SPATA3: variants seen among roughly 807,000 people sequenced by gnomAD.
SPATA3 encodes spermatogenesis associated 3, also known as spermatogenesis-associated protein 3.
In SPATA3, 6 loss-of-function variants were observed where a neutral mutation model predicts 5.7. The observed-to-expected ratio is 1.06, with a 90% CI of 0.58 to 2.09. SPATA3 has a LOEUF of 2.09. Ranked by LOEUF, SPATA3 falls within the 30% of genes most tolerant of loss-of-function variation. The pLI is 0.00. For synonymous variants in SPATA3, 44 were observed against 48.4 expected (o/e 0.91, Z 0.37); for missense variants, 155 against 130.4 (o/e 1.19, Z -0.92).
At chr2:231,000,445 G>T in exon 2 of SPATA3, 1 of 1,549,882 alleles carries the variant, frequency 6.5e-7, no homozygotes, top group Non-Finnish European at 8.7e-7. Flanking sequence ...GTCGTCTGGG[G>T]CTATGCCATA....
downstream of SPATA3, among the ~76,000 whole-genome samples, chr2:231,003,799 G>A (rs1006051598): frequency 1.3e-5 from 2 of 152,126 alleles, no homozygotes; most frequent in African/African-American, 4.8e-5. Context: ...CTTTGCAGTG[G>A]GCGTAATATA....
At position 231,002,683 on chromosome 2, in the gene SPATA3, G is replaced by A. The variant is rs1284396203; in HGVS notation, c.963-1G>A. The A allele has an allele frequency of 6.6e-7, 1 of 1,506,614 alleles. No individual in the cohort carries two copies. Among genetic ancestry groups the A allele is most frequent in the Non-Finnish European group, 8.9e-7 (1 of 1,124,374 alleles). The allele number at this position is 1,506,614 out of a possible 1,614,324, so 93.3% of individuals were successfully genotyped here. ...ACCCCCACTTCTGCTTTGCTCTACAGAAAATCTTCAAGAAAACCCTCCAGT... is the reference window on the plus strand; with the variant it reads ...ACCCCCACTTCTGCTTTGCTCTACAAAAAATCTTCAAGAAAACCCTCCAGT... On this transcript the variant is annotated splice_acceptor_variant, in intron 2 of 2. Coordinates refer to ENST00000645363, the Ensembl canonical transcript of SPATA3. LOFTEE classifies it high-confidence loss of function.
chr2:231,006,827 C>T (rs1427892174), downstream of SPATA3: 1 of 152,230 alleles, frequency 6.6e-6, no homozygotes, highest in Non-Finnish European at 1.5e-5. Flanking sequence ...GCATCTTCCT[C>T]AGCTGAAGGT....
intron 6 of SPATA3, among the ~76,000 whole-genome samples, chr2:231,016,519 AAAAAAG>A (rs1477433412): frequency 6.6e-6 from 1 of 151,232 alleles, no homozygotes; most frequent in African/African-American, 2.4e-5. Flanking sequence ...AAAAAAAAAA[AAAAAAG>A]AAGAAGAAGG....
At chr2:231,014,429 A>G (rs1692875524) in intron 6 of SPATA3, among the ~76,000 whole-genome samples, 1 of 152,132 alleles carries the variant, frequency 6.6e-6, no homozygotes, top group Admixed American at 6.5e-5. Flanking sequence ...AGTTTCTAAT[A>G]AACTGTTTTA....
chr2:231,001,983 G>A (rs11676259), intron 2 of SPATA3, among the ~76,000 whole-genome samples: 55,093 of 152,004 alleles, frequency 0.36, 10,154 homozygotes, highest in East Asian at 0.46. Flanking sequence ...GATGAAAAGC[G>A]GGAGCAATCT....
chr2:230,997,328 C>G (rs1352373939), intron 1 of SPATA3, among the ~76,000 whole-genome samples: 4 of 152,196 alleles, frequency 2.6e-5, no homozygotes, highest in African/African-American at 9.7e-5. Context: ...GTGCCTTTCA[C>G]CTTCCACCAT....
downstream of SPATA3, chr2:231,002,830 A>T (rs1338600584): frequency 2.3e-6 from 3 of 1,305,654 alleles, no homozygotes; most frequent in Non-Finnish European, 3.1e-6. Flanking sequence ...TCTGGCAGGT[A>T]TGTTGAGCGC....
downstream of SPATA3, among the ~76,000 whole-genome samples, chr2:231,011,072 C>CAAAAAAAAAAAAAAAAAAAAAAAAAAAA (rs556496371): frequency 6.3e-5 from 5 of 79,840 alleles, no homozygotes; most frequent in Non-Finnish European, 8.8e-5. Context: ...GACCCTGTCT[C>CAAAAAAAAAAAAAAAAAAAAAAAAAAAA]AAAAAAAAAA....
chr2:231,002,731 G>C (rs894759359), exon 3 of SPATA3: 1 of 1,533,568 alleles, frequency 6.5e-7, no homozygotes, highest in African/African-American at 1.4e-5. Context: ...TGTCCTCCAA[G>C]CCCTCGGAAC....
chr2:231,019,412 C>CTTCTAAAATTGGGAAATCCAAGGCTCAGT (rs1553553188), intron 6 of SPATA3, among the ~76,000 whole-genome samples: 8 of 150,486 alleles, frequency 5.3e-5, no homozygotes, highest in South Asian at 2.1e-4. Flanking sequence ...CAAGCTCCGC[C>CTTCTAAAATTGGGAAATCCAAGGCTCAGT]TCCCGGGTTC....
intron 6 of SPATA3, among the ~76,000 whole-genome samples, chr2:231,014,902 T>C (rs1453598651): frequency 6.6e-6 from 1 of 152,172 alleles, no homozygotes; most frequent in Admixed American, 6.5e-5. Context: ...AAGGTGCCCT[T>C]CCTTCTCAAG....
intron 7 of SPATA3, among the ~76,000 whole-genome samples, chr2:231,020,067 T>C (rs544234542): frequency 2.0e-4 from 30 of 150,296 alleles, no homozygotes; most frequent in African/African-American, 7.3e-4. Flanking sequence ...TTTCATTAAC[T>C]GAACTCATAT....
chr2:231,005,371 C>A (rs1692559645), downstream of SPATA3, among the ~76,000 whole-genome samples: 1 of 133,556 alleles, frequency 7.5e-6, no homozygotes, highest in African/African-American at 2.8e-5. Flanking sequence ...CCACCATCAT[C>A]ACCACCATCA....
At chr2:231,005,097 T>C (rs1299890299), downstream of SPATA3, among the ~76,000 whole-genome samples, 2 of 14,504 alleles carry the variant, frequency 1.4e-4, no homozygotes, top group Admixed American at 7.5e-4. Context: ...ATCACCATCC[T>C]CATCACCATC....
At chr2:231,002,889 C>T, downstream of SPATA3, 2 of 732,310 alleles carry the variant, frequency 2.7e-6, no homozygotes, top group East Asian at 3.3e-5. Context: ...CAAGCCCCGG[C>T]CTCTCAAGGG....
chr2:230,998,964 T>C (rs934363258), intron 1 of SPATA3, among the ~76,000 whole-genome samples: 1 of 152,206 alleles, frequency 6.6e-6, no homozygotes, highest in Non-Finnish European at 1.5e-5. Flanking sequence ...GCATTTGTAA[T>C]AGCCAAAAAG....
exon 2 of SPATA3, chr2:231,000,437 C>T (rs376531158): frequency 7.1e-6 from 11 of 1,548,598 alleles, no homozygotes; most frequent in African/African-American, 4.1e-5. Context: ...TTGCTGGCGT[C>T]GTCTGGGGCT....
intron 6 of SPATA3, among the ~76,000 whole-genome samples, chr2:231,016,261 C>G (rs533989653): frequency 3.3e-5 from 5 of 152,278 alleles, no homozygotes; most frequent in Middle Eastern, 3.4e-3. Context: ...GTTCCCTTCC[C>G]CCATAGAACC....
Sources: gnomAD v4.1 joint callset for allele counts (sites outside exome capture counted in the v4.1 genomes callset) on GRCh38, gnomAD v4.1.1 for gene constraint, MANE v1.5 for transcripts, NCBI Gene and HGNC (gene_info 2026-07-23, HGNC 2026-07-21) for gene names.